GPKOW: variants seen among roughly 807,000 people sequenced by gnomAD.
GPKOW encodes G-patch domain and KOW motifs-containing protein.
For missense variants in GPKOW, 359 were observed against 404.7 expected (o/e 0.89, Z 0.97); for synonymous variants, 167 against 159.1 (o/e 1.05, Z -0.37).
intron 6 of GPKOW, among the ~76,000 whole-genome samples, chrX:49,116,755 GA>G (rs1557090332): frequency 8.9e-6 from 1 of 111,788 alleles, no homozygotes; most frequent in African/African-American, 3.3e-5. Flanking sequence ...ACCCCAAATG[GA>G]CAAAGATCTC....
intron 7 of GPKOW, 22 bp from the exon 8 acceptor site, chrX:49,116,036 C>T: frequency 8.3e-7 from 1 of 1,210,326 alleles, no homozygotes; most frequent in Non-Finnish European, 1.1e-6. Flanking sequence ...GTGCCAGCAC[C>T]AGGCTTAGCT....
chrX:49,123,344 C>T lies in GPKOW; in HGVS notation c.176+203G>A, dbSNP rs1314298798. Among the ~76,000 whole-genome samples the T allele has an allele frequency of 3.6e-5, 4 of 112,016 alleles. No individual in the cohort carries two copies. The Admixed American group carries it at 3.8e-4, about 11-fold the overall frequency. On this transcript the variant is annotated intron_variant, in intron 1 of 10. Transcript: ENST00000156109. ...AAGACACTTCTTCTCAGTAATACAT[C>T]CTCTCTTCGCAATTCCCACAGCTAT...
rs1557091468 is a variant in GPKOW, at chrX:49,123,677, T to G, written c.46A>C (p.Thr16Pro). 8.3e-7 allele frequency: 1 copy of G among 1,208,508 alleles called. No individual in the cohort carries two copies. The change falls in exon 1 of 11, where the codon ACT (threonine) becomes CCT (proline). Residue 16 changes from threonine to proline, a missense_variant. Transcript: ENST00000156109. Reference sequence around the variant, plus strand: ...GTGAAGCCGAATGAAATTGGGGCAGTGGAAGCAGCCGTCAGCGGCAAAACA... The same window carrying G: ...GTGAAGCCGAATGAAATTGGGGCAGGGGAAGCAGCCGTCAGCGGCAAAACA... The part of the protein sequence containing the change: ...EGVLPLTAAS[T>P]APISFGFTRT...
At chrX:49,116,462 CT>C (rs2065194325) in intron 6 of GPKOW, 139 bp from the exon 7 acceptor site, 1 of 464,125 alleles carries the variant, frequency 2.2e-6, no homozygotes. Flanking sequence ...CAAAGTGCCC[CT>C]CTCACCCCTC....
chrX:49,120,887 C>T (rs1382224650), intron 3 of GPKOW, among the ~76,000 whole-genome samples: 1 of 110,087 alleles, frequency 9.1e-6, no homozygotes, highest in Non-Finnish European at 1.9e-5. Context: ...TGGTCTTGAA[C>T]TCCTGACCTC....
chrX:49,120,820 T>C (rs1358390955), intron 3 of GPKOW, among the ~76,000 whole-genome samples: 1 of 110,342 alleles, frequency 9.1e-6, no homozygotes, highest in Non-Finnish European at 1.9e-5. Context: ...CGTGCCACCA[T>C]GCCCAGCTAA....
At chrX:49,113,997 T>C (rs1315226675) in intron 9 of GPKOW, 59 bp from the exon 10 acceptor site, 1 of 835,819 alleles carries the variant, frequency 1.2e-6, no homozygotes, top group Non-Finnish European at 1.8e-6. Context: ...ACCAGCGTCC[T>C]GTCAGAAGGG....
At chrX:49,122,361 A>T (rs1557091138) in intron 3 of GPKOW, 37 bp downstream of exon 3, 1 of 1,097,812 alleles carries the variant, frequency 9.1e-7, no homozygotes, top group Admixed American at 3.7e-5. Context: ...AGGGCAAAGA[A>T]AGGCTGGGGC....
chrX:49,117,151 A>G lies in GPKOW; in HGVS notation c.792T>C (p.Leu264=). 1 of 1,210,914 alleles carries G rather than the reference A, an allele frequency of 8.3e-7. No individual in the cohort carries two copies. Among genetic ancestry groups the G allele is most frequent in the East Asian group, 3.0e-5 (1 of 33,805 alleles). Residue 264 remains leucine (L), a synonymous_variant, in exon 6 of 11, where the codon CTT becomes CTC. Transcript: ENST00000156109. ...HRGLYGKVEG[L]DPDNVRAMVR... ...CCATGGCCCGAACATTGTCAGGATC[A>G]AGGCCTTCCACCTAAAGTGTTGAGG...
Position 49,119,754 on chromosome X carries a change from G to A in GPKOW, c.517C>T (p.Arg173Trp). The A allele has an allele frequency of 8.3e-7, 1 of 1,204,941 alleles. No homozygotes were observed. Among genetic ancestry groups the A allele is most frequent in the South Asian group, 1.8e-5 (1 of 56,627 alleles). ...PVEAYGLAML[R>W]GMGWKPGEGI... ...TCGCCAGGTTTCCAGCCCATGCCCC[G>A]CAGCATGGCCAGCCCATAGGCCTCC... The change falls in exon 4 of 11, where the codon CGG (arginine) becomes TGG (tryptophan). Residue 173 changes from arginine (R) to tryptophan (W), a missense_variant. Arg to Trp is a moderately radical substitution (Grantham distance 101). Coordinates refer to ENST00000156109, the MANE Select transcript of GPKOW (RefSeq NM_015698.6).
chrX:49,121,127 T>C (rs950459700), intron 3 of GPKOW, among the ~76,000 whole-genome samples: 1 of 111,403 alleles, frequency 9.0e-6, no homozygotes, highest in Non-Finnish European at 1.9e-5. Flanking sequence ...GGATCTTTTT[T>C]TTCTTTAAAG....
At chrX:49,116,899 T>A (rs782253640) in intron 6 of GPKOW, 131 bp downstream of exon 6, 1 of 512,866 alleles carries the variant, frequency 1.9e-6, no homozygotes, top group African/African-American at 2.3e-5. Context: ...TGACCTCTGA[T>A]TGGAAGTCAT....
chrX:49,117,615 G>T lies in GPKOW; in HGVS notation c.762C>A (p.His254Gln). 8.3e-7 allele frequency: 1 copy of T among 1,205,592 alleles called. No homozygotes were observed. Among genetic ancestry groups the T allele is most frequent in the Non-Finnish European group, 1.1e-6 (1 of 889,811 alleles). Residue 254 changes from histidine (H) to glutamine (Q), a missense_variant, in exon 5 of 11, where the codon CAC becomes CAA. Coordinates refer to ENST00000156109, the MANE Select transcript of GPKOW (RefSeq NM_015698.6). Reference sequence around the variant, plus strand: ...TCCTTACCTTCCCATAGAGGCCTCGGTGAGGGCCAGAAAGAACCACCACAG... The same window carrying T: ...TCCTTACCTTCCCATAGAGGCCTCGTTGAGGGCCAGAAAGAACCACCACAG... ...GGAVVVLSGP[H>Q]RGLYGKVEGL...
chrX:49,122,756 G>T lies in GPKOW; in HGVS notation c.197C>A (p.Pro66His). 8.3e-7 allele frequency: 1 copy of T among 1,208,964 alleles called. No individual in the cohort carries two copies. The highest frequency in any genetic ancestry group is 3.0e-5 in the East Asian group (1 of 33,803). ...ELQSVKPQEAPKELVIPLIQN... is the reference protein window; with the variant it reads ...ELQSVKPQEAHKELVIPLIQN... ...GATCAAAGGGATGACGAGTTCCTTG[G>T]GGGCCTCCTGGGGCTTCACACTGAT... The change falls in exon 2 of 11, where the codon CCC becomes CAC. Residue 66 changes from proline to histidine, a missense_variant. Transcript: ENST00000156109.
intron 4 of GPKOW, among the ~76,000 whole-genome samples, chrX:49,118,065 C>A (rs1206151873): frequency 9.1e-6 from 1 of 109,837 alleles, no homozygotes; most frequent in Admixed American, 9.8e-5. Context: ...GGGTTACAGG[C>A]GCATGCCACC....
At chrX:49,117,576 C>T (rs781790813) in intron 5 of GPKOW, 21 bp downstream of exon 5, 26 of 1,142,127 alleles carry the variant, frequency 2.3e-5, no homozygotes, top group South Asian at 2.0e-4. Flanking sequence ...TTTGGGCTCC[C>T]GGGATATCTT....
chrX:49,113,732 G>C lies in GPKOW; in HGVS notation c.1320C>G (p.Asp440Glu). 1 of 1,207,068 alleles carries C rather than the reference G, an allele frequency of 8.3e-7. No homozygotes were observed. Among genetic ancestry groups the C allele is most frequent in the Non-Finnish European group, 1.1e-6 (1 of 893,016 alleles). The change falls in exon 11 of 11, where the codon GAC becomes GAG. Residue 440 changes from aspartate to glutamate, a missense_variant. Coordinates refer to ENST00000156109, the MANE Select transcript of GPKOW (RefSeq NM_015698.6). Reference sequence around the variant, plus strand: ...GCACCAAAGCCCGGCTCCGTGCTCTGTCCCGGCTCAGCAAATGTCCCACCT... The same window carrying C: ...GCACCAAAGCCCGGCTCCGTGCTCTCTCCCGGCTCAGCAAATGTCCCACCT... ...TGRVGHLLSR[D>E]RARSRALVQL...
At chrX:49,123,496 G>T in intron 1 of GPKOW, 51 bp downstream of exon 1, 1 of 1,107,112 alleles carries the variant, frequency 9.0e-7, no homozygotes, top group Non-Finnish European at 1.2e-6. Context: ...CCTCCCTCCC[G>T]CTTACGCCCA....
chrX:49,118,802 A>G lies in GPKOW; in HGVS notation c.566+903T>C. ...GGTCATATTTGGCTGCCAATGGGTT[A>G]TGAAAAAATGTTTGGTTTTCAGAAT... On this transcript the variant is annotated intron_variant, in intron 4 of 10. Coordinates refer to ENST00000156109, the MANE Select transcript of GPKOW (RefSeq NM_015698.6). 3.0e-5 allele frequency among the ~76,000 whole-genome samples: 3 copies of G among 101,414 alleles called. 1 individual carries two copies. In the Middle Eastern group the frequency reaches 0.015, roughly 502 times the overall value. 88.1% of individuals were successfully genotyped at this position (101,414 alleles called of 115,157 possible).
Sources: allele counts gnomAD v4.1 joint callset (sites outside exome capture counted in the v4.1 genomes callset), GRCh38; gene constraint gnomAD v4.1.1; transcripts MANE v1.5; gene names NCBI Gene and HGNC (gene_info 2026-07-23, HGNC 2026-07-21).